The following DSCAML1 variants were observed in gnomAD, a reference collection of about 807,000 sequenced individuals.
DSCAML1 encodes the protein DS cell adhesion molecule like 1.
A neutral mutation model predicts 200.5 loss-of-function variants in DSCAML1; 38 were observed. That is an observed-to-expected ratio of 0.19 (90% CI 0.15 to 0.25). DSCAML1 has a LOEUF of 0.25. Ranked by LOEUF, DSCAML1 falls within the 10% of genes least tolerant of loss-of-function variation. DSCAML1 has a pLI of 1.00. For synonymous variants in DSCAML1, 1,215 were observed against 1,165.0 expected (o/e 1.04, Z -0.87); for missense variants, 2,223 against 2,858.8 (o/e 0.78, Z 5.07).
chr11:117,627,215 G>A lies in DSCAML1; in HGVS notation c.512-94693C>T, dbSNP rs115230011. On this transcript the variant is annotated intron_variant, in intron 3 of 32. Transcript: ENST00000651296. The stretch of plus-strand genomic sequence containing the variant: ...ATCCCGTTGTCCTGCCCATCAGAAC[G>A]GAGATGGCGGGAGTTTTCCCTTCCG... 3.4e-4 allele frequency among the ~76,000 whole-genome samples: 51 copies of A among 152,236 alleles called. 1 individual carries two copies. In the South Asian group the frequency reaches 4.6e-3, roughly 14 times the overall value.
chr11:117,560,700 C>T (rs1284379499), intron 3 of DSCAML1, among the ~76,000 whole-genome samples: 1 of 152,114 alleles, frequency 6.6e-6, no homozygotes, highest in African/African-American at 2.4e-5. Flanking sequence ...GGGAGATGCC[C>T]CTGAGACTCA....
chr11:117,530,062 T>A (rs922714715), intron 4 of DSCAML1, among the ~76,000 whole-genome samples: 3 of 151,996 alleles, frequency 2.0e-5, no homozygotes, highest in Non-Finnish European at 4.4e-5. Flanking sequence ...CCCATGCCAA[T>A]CTCTCTTTGT....
chr11:117,545,249 A>C (rs2050350968), intron 3 of DSCAML1, among the ~76,000 whole-genome samples: 1 of 146,214 alleles, frequency 6.8e-6, no homozygotes, highest in Non-Finnish European at 1.5e-5. Flanking sequence ...ACACACACAC[A>C]CACACACACA....
chr11:117,587,458 A>G (rs993305398), intron 3 of DSCAML1, among the ~76,000 whole-genome samples: 1 of 151,874 alleles, frequency 6.6e-6, no homozygotes, highest in Non-Finnish European at 1.5e-5. Context: ...TGGGGACACC[A>G]GTGTTCTCTG....
At chr11:117,471,192 G>A (rs1347398438) in intron 15 of DSCAML1, among the ~76,000 whole-genome samples, 1 of 149,836 alleles carries the variant, frequency 6.7e-6, no homozygotes, top group African/African-American at 2.5e-5. Flanking sequence ...TTTTTTTTGA[G>A]ATGGAGTCTT....
chr11:117,632,137 C>A (rs928924665), intron 3 of DSCAML1, among the ~76,000 whole-genome samples: 1 of 152,200 alleles, frequency 6.6e-6, no homozygotes, highest in African/African-American at 2.4e-5. Context: ...CAGTCACTGG[C>A]CCCAGGTCAT....
chr11:117,794,972 G>A (rs2055543786), intron 1 of DSCAML1, among the ~76,000 whole-genome samples: 1 of 152,184 alleles, frequency 6.6e-6, no homozygotes, highest in Non-Finnish European at 1.5e-5. Flanking sequence ...CCGCCTACAG[G>A]TCCAAGGCCA....
At chr11:117,510,460 C>G (rs2049596568) in intron 8 of DSCAML1, among the ~76,000 whole-genome samples, 1 of 122,648 alleles carries the variant, frequency 8.2e-6, no homozygotes, top group Non-Finnish European at 1.8e-5. Flanking sequence ...CTAGTTAAAA[C>G]AAGTCCCATA....
chr11:117,750,541 G>A (rs1402233742), intron 3 of DSCAML1, among the ~76,000 whole-genome samples: 3 of 152,142 alleles, frequency 2.0e-5, no homozygotes, highest in South Asian at 2.1e-4. Context: ...AATGTCTCCC[G>A]GGCGTGTCTA....
intron 3 of DSCAML1, among the ~76,000 whole-genome samples, chr11:117,647,072 T>C (rs1053206088): frequency 6.6e-6 from 1 of 152,202 alleles, no homozygotes; most frequent in African/African-American, 2.4e-5. Flanking sequence ...TGACACAGCT[T>C]GTTAAGGACA....
At chr11:117,583,762 A>G (rs1047011670) in intron 3 of DSCAML1, among the ~76,000 whole-genome samples, 10 of 152,134 alleles carry the variant, frequency 6.6e-5, no homozygotes, top group African/African-American at 2.4e-4. Flanking sequence ...CTGCATCTTC[A>G]TCCACAGAAT....
intron 20 of DSCAML1, among the ~76,000 whole-genome samples, chr11:117,448,122 ACGGGGACCAGGAGCTCTGTTC>A (rs1400614597): frequency 7.2e-5 from 11 of 152,124 alleles, no homozygotes; most frequent in African/African-American, 2.7e-4. Flanking sequence ...GGAGGAGGGG[ACGGGGACCAGGAGCTCTGTTC>A]CGGAGCCCGG....
At position 117,806,971 on chromosome 11, in the gene DSCAML1, T is replaced by C. The variant is rs186703410; in HGVS notation, c.-250+10419A>G. Among the ~76,000 whole-genome samples the C allele has an allele frequency of 2.6e-3, 402 of 152,364 alleles. 1 individual carries two copies. Among genetic ancestry groups the C allele is most frequent in the African/African-American group, 9.0e-3 (376 of 41,592 alleles). On this transcript the variant is annotated intron_variant, in intron 1 of 2. Coordinates refer to the DSCAML1 transcript ENST00000525836. ...TTCTTGTGTTACATAATTTCATCCA[T>C]TGATCATTTTGTGTGCATCTCTCAA...
At chr11:117,485,296 G>A (rs2049023337) in intron 11 of DSCAML1, among the ~76,000 whole-genome samples, 2 of 152,200 alleles carry the variant, frequency 1.3e-5, no homozygotes, top group Non-Finnish European at 2.9e-5. Context: ...AGGGATCCTT[G>A]GCCCCTCAGC....
In DSCAML1 at chr11:117,458,935, G is replaced by A. The variant is rs765648889; in HGVS notation, c.3413-26C>T. The A allele has an allele frequency of 1.1e-5, 18 of 1,608,380 alleles. No homozygotes were observed. In the Admixed American group the frequency reaches 1.3e-4, roughly 12 times the overall value. On this transcript the variant is annotated intron_variant, in intron 18 of 32. Transcript: ENST00000651296. ...CTGCCAGAGACCAGCAAACTCTGAG[G>A]ACCCAGCTCCATCGGGCTGTGGCCC...
At chr11:117,750,811 A>G (rs1226366820) in intron 3 of DSCAML1, among the ~76,000 whole-genome samples, 1 of 152,218 alleles carries the variant, frequency 6.6e-6, no homozygotes, top group Non-Finnish European at 1.5e-5. Context: ...CAGGTTGGAC[A>G]GAGACTATAC....
At chr11:117,467,193 A>AAC (rs2048597295) in intron 16 of DSCAML1, among the ~76,000 whole-genome samples, 2 of 109,516 alleles carry the variant, frequency 1.8e-5, no homozygotes, top group Non-Finnish European at 1.7e-5. Context: ...GTGCACACAC[A>AAC]CCTCCCCCCT....
chr11:117,557,588 A>C (rs1414329910), intron 3 of DSCAML1, among the ~76,000 whole-genome samples: 1 of 152,240 alleles, frequency 6.6e-6, no homozygotes, highest in African/African-American at 2.4e-5. Context: ...CACTGTGTGC[A>C]ATTTGCATTT....
chr11:117,636,373 G>A (rs942397270), intron 3 of DSCAML1, among the ~76,000 whole-genome samples: 2 of 152,120 alleles, frequency 1.3e-5, no homozygotes, highest in African/African-American at 4.8e-5. Flanking sequence ...AATGTATTGG[G>A]ATTAGCAAAA....
Sources: gnomAD v4.1 joint callset for allele counts (sites outside exome capture counted in the v4.1 genomes callset) on GRCh38, gnomAD v4.1.1 for gene constraint, MANE v1.5 for transcripts, NCBI Gene and HGNC (gene_info 2026-07-23, HGNC 2026-07-21) for gene names.